ELSPBP1: variants seen among roughly 807,000 people sequenced by gnomAD.
The protein encoded by ELSPBP1 is epididymal sperm binding protein 1.
ELSPBP1 carries 38 observed loss-of-function variants against 33.3 expected under a neutral mutation model. The observed-to-expected ratio is 1.14, with a 90% CI of 0.88 to 1.50. ELSPBP1 has a LOEUF of 1.50. ELSPBP1 is among the 40% of genes most tolerant of loss of function. ELSPBP1 has a pLI of 0.00. For missense variants in ELSPBP1, 267 were observed against 263.5 expected, an observed-to-expected ratio of 1.01 and a Z score of -0.09; for synonymous variants, 85 against 94.1, an observed-to-expected ratio of 0.90 and a Z score of 0.56.
Position 48,011,563 on chromosome 19 carries a change from A to G in ELSPBP1, c.71-2608A>G, listed in dbSNP as rs1180150143. Among the ~76,000 whole-genome samples, 1 of 151,982 alleles carries G rather than the reference A, an allele frequency of 6.6e-6. No homozygotes were observed. The highest frequency in any genetic ancestry group is 1.5e-5 in the Non-Finnish European group (1 of 67,988). Reference sequence around the variant, plus strand: ...GATGACAATGATGATGATGACAATGATGATCATCATCACATGATAATGACA... The same window carrying G: ...GATGACAATGATGATGATGACAATGGTGATCATCATCACATGATAATGACA... On this transcript the variant is annotated intron_variant, in intron 2 of 6. Transcript: ENST00000339841. The surrounding 1 kb of genome is among the most constrained non-coding windows in gnomAD (Gnocchi z 4.5).
intron 2 of ELSPBP1, among the ~76,000 whole-genome samples, chr19:48,012,613 T>G (rs867189376): frequency 2.6e-5 from 4 of 152,194 alleles, no homozygotes; most frequent in African/African-American, 9.6e-5. Context: ...ATTTTATTGT[T>G]TCTGTTGTTT....
Position 47,996,127 on chromosome 19 carries a change from T to G in ELSPBP1, c.-18+1316T>G, listed in dbSNP as rs948354622. On this transcript the variant is annotated intron_variant, in intron 1 of 6. Coordinates refer to ENST00000339841, the MANE Select transcript of ELSPBP1 (RefSeq NM_022142.5). ...ATTTCCTTATAGATGATAGGGTTCT[T>G]GAATACTCATTGGATGGGTGGTGGA... is the stretch of plus-strand genomic sequence containing the variant. Among the ~76,000 whole-genome samples, 14 of 152,330 alleles carry G rather than the reference T, an allele frequency of 9.2e-5. 1 individual carries two copies. The highest frequency in any genetic ancestry group is 6.5e-4 in the Admixed American group (10 of 15,296).
intron 1 of ELSPBP1, among the ~76,000 whole-genome samples, chr19:48,006,621 CAAAAAAAAA>C (rs1190341508): frequency 4.8e-5 from 1 of 20,886 alleles, no homozygotes; most frequent in African/African-American, 1.6e-4. Context: ...GACCCTGTCT[CAAAAAAAAA>C]AAAAAAAAAA....
intron 4 of ELSPBP1, among the ~76,000 whole-genome samples, chr19:48,018,594 C>A (rs1967166145): frequency 6.6e-6 from 1 of 152,160 alleles, no homozygotes; most frequent in Non-Finnish European, 1.5e-5. Flanking sequence ...CTATTCCATA[C>A]AATAATCTCT....
At chr19:48,017,160 C>A (rs1161500923) in intron 4 of ELSPBP1, among the ~76,000 whole-genome samples, 2 of 152,162 alleles carry the variant, frequency 1.3e-5, no homozygotes, top group Admixed American at 1.3e-4. Context: ...GAGTTCTAGT[C>A]CATATAGTTC....
intron 4 of ELSPBP1, among the ~76,000 whole-genome samples, chr19:48,017,621 T>A (rs1967155592): frequency 6.6e-6 from 1 of 152,148 alleles, no homozygotes; most frequent in Non-Finnish European, 1.5e-5. Context: ...CCAGGCTCAG[T>A]GGCTCATGCC....
rs948962025 is a variant in ELSPBP1 at position 48,011,248 on chromosome 19, ATGAT to A, written c.70+2516_70+2519del. ...AATGGGGTTGATGATGATGATGACA[ATGAT>A]TGATAATGATGATGACAATGACGAT... On this transcript the variant is annotated intron_variant, in intron 2 of 6. Transcript: ENST00000339841. This position sits in a 1 kb window ranked among gnomAD's most constrained non-coding sequence, Gnocchi z 4.5. 7.2e-5 allele frequency among the ~76,000 whole-genome samples: 11 copies of A among 152,028 alleles called. No individual in the cohort carries two copies. The highest frequency in any genetic ancestry group is 4.6e-4 in the Admixed American group (7 of 15,262).
At chr19:48,002,576 G>T (rs769642545) in intron 1 of ELSPBP1, among the ~76,000 whole-genome samples, 25 of 152,128 alleles carry the variant, frequency 1.6e-4, no homozygotes, top group African/African-American at 6.0e-4. Context: ...AGATCACTTG[G>T]GGTCAGGAGT....
At chr19:47,999,387 CTT>C (rs397937280) in intron 1 of ELSPBP1, among the ~76,000 whole-genome samples, 9 of 129,958 alleles carry the variant, frequency 6.9e-5, no homozygotes, top group Non-Finnish European at 3.2e-5. Context: ...AGCCTCATTT[CTT>C]TTTTTTTTTT....
chr19:47,998,912 G>A (rs1191302360), intron 1 of ELSPBP1, among the ~76,000 whole-genome samples: 1 of 152,130 alleles, frequency 6.6e-6, no homozygotes, highest in African/African-American at 2.4e-5. Context: ...CACTTCCCAA[G>A]CCTAAAGGAG....
intron 3 of ELSPBP1, among the ~76,000 whole-genome samples, chr19:48,015,581 C>T (rs1041076415): frequency 1.3e-5 from 2 of 152,050 alleles, no homozygotes; most frequent in Non-Finnish European, 2.9e-5. Flanking sequence ...TTGCTTGAAC[C>T]CAAGAGGCAG....
chr19:48,011,976 C>CT lies in ELSPBP1; in HGVS notation c.71-2195_71-2194insT, dbSNP rs1568406094. Among the ~76,000 whole-genome samples the CT allele has an allele frequency of 2.2e-3, 333 of 150,468 alleles. 4 individuals carry two copies. The highest frequency in any genetic ancestry group is 0.014 in the Middle Eastern group (4 of 294). On this transcript the variant is annotated intron_variant, in intron 2 of 6. Coordinates refer to ENST00000339841, the MANE Select transcript of ELSPBP1 (RefSeq NM_022142.5). The surrounding 1 kb of genome is among the most constrained non-coding windows in gnomAD (Gnocchi z 4.5). ...AAGTTGAGCTCTCATCCCAGGTCTACAAAAAAAAAGCAATCAACTTTAATT... is the reference window on the plus strand; with the variant it reads ...AAGTTGAGCTCTCATCCCAGGTCTACTAAAAAAAAAGCAATCAACTTTAATT...
intron 3 of ELSPBP1, among the ~76,000 whole-genome samples, chr19:48,014,512 C>T (rs1422227293): frequency 3.9e-5 from 4 of 102,408 alleles, no homozygotes; most frequent in Non-Finnish European, 7.2e-5. Context: ...CATCACACAC[C>T]GGGGACTGTT....
chr19:48,016,523 T>C (rs191881102), intron 4 of ELSPBP1, among the ~76,000 whole-genome samples: 1,928 of 65,588 alleles, frequency 0.029, 36 homozygotes, highest in African/African-American at 0.068. Flanking sequence ...TTTCTTTCTT[T>C]CTTTCTTCCT....
At chr19:47,997,566 G>A (rs1323101336) in intron 1 of ELSPBP1, among the ~76,000 whole-genome samples, 1 of 151,946 alleles carries the variant, frequency 6.6e-6, no homozygotes, top group African/African-American at 2.4e-5. Flanking sequence ...ATTGAGGTAC[G>A]CGTGATTTTT....
rs1966897619 is a variant in ELSPBP1 at position 47,994,724 on chromosome 19, C to T, written c.-105C>T. The stretch of plus-strand genomic sequence containing the variant: ...CAGGCTGGGGCCAAAGCCATTCAAC[C>T]AATCCCCAGATAATCCAGAGCTCTT... On this transcript the variant is annotated 5_prime_UTR_variant, in exon 1 of 7. Coordinates refer to ENST00000339841, the MANE Select transcript of ELSPBP1 (RefSeq NM_022142.5). 1 of 152,266 alleles carries T rather than the reference C, an allele frequency of 6.6e-6. No individual in the cohort carries two copies. The highest frequency in any genetic ancestry group is 2.4e-5 in the African/African-American group (1 of 41,446). 9.4% of individuals were successfully genotyped at this position (152,266 alleles called of 1,614,324 possible).
At position 48,019,587 on chromosome 19, in the gene ELSPBP1, C is replaced by T. The variant is rs185603807; in HGVS notation, c.356-132C>T. On this transcript the variant is annotated intron_variant, in intron 4 of 6. Coordinates refer to ENST00000339841, the MANE Select transcript of ELSPBP1 (RefSeq NM_022142.5). ...GTAACATTGGGATAATAACGTCATCCGGAAGTTGCTTGGAGAATCCAATGT... is the reference window on the plus strand; with the variant it reads ...GTAACATTGGGATAATAACGTCATCTGGAAGTTGCTTGGAGAATCCAATGT... The T allele has an allele frequency of 1.0e-4, 80 of 773,918 alleles. No individual in the cohort carries two copies. The East Asian group carries it at 1.1e-3, about 11-fold the overall frequency. 47.9% of individuals were successfully genotyped at this position (773,918 alleles called of 1,614,324 possible).
intron 5 of ELSPBP1, among the ~76,000 whole-genome samples, chr19:48,021,128 G>C (rs1258359603): frequency 6.6e-6 from 1 of 152,130 alleles, no homozygotes; most frequent in Non-Finnish European, 1.5e-5. Context: ...GATTCCACAG[G>C]TGCAAATGTG....
intron 1 of ELSPBP1, among the ~76,000 whole-genome samples, chr19:48,006,955 G>T (rs576178153): frequency 6.6e-6 from 1 of 152,180 alleles, no homozygotes; most frequent in Admixed American, 6.5e-5. Context: ...AAAAGTTTGG[G>T]GCGTGTTGTG....
Sources: gnomAD v4.1 joint callset for allele counts (sites outside exome capture counted in the v4.1 genomes callset) on GRCh38, gnomAD v4.1.1 for gene constraint, Gnocchi (gnomAD v3.1) non-coding constraint, MANE v1.5 for transcripts, NCBI Gene and HGNC (gene_info 2026-07-23, HGNC 2026-07-21) for gene names.